PODXL: variants seen among roughly 807,000 people sequenced by gnomAD.
The protein encoded by PODXL is podocalyxin like.
PODXL carries 20 observed loss-of-function variants against 48.9 expected under a neutral mutation model. The ratio of observed to expected loss-of-function variants is 0.41; its 90% CI spans 0.29 to 0.59. The LOEUF is 0.59. PODXL is among the 20% of genes least tolerant of loss of function. The probability of loss-of-function intolerance (pLI) is 0.31; values close to 1 mark genes in which losing one functional copy is unlikely to be tolerated. For missense variants in PODXL, 606 were observed against 675.1 expected, an observed-to-expected ratio of 0.90 and a Z score of 1.13; for synonymous variants, 295 against 287.4, an observed-to-expected ratio of 1.03 and a Z score of -0.27.
chr7:131,504,261 T>G lies in PODXL; in HGVS notation c.*50A>C. The G allele has an allele frequency of 6.7e-7, 1 of 1,491,722 alleles. No individual in the cohort carries two copies. Among genetic ancestry groups the G allele is most frequent in the Non-Finnish European group, 9.3e-7 (1 of 1,074,294 alleles). The allele number at this position is 1,491,722 out of a possible 1,614,324, so 92.4% of individuals were successfully genotyped here. A position where few individuals can be genotyped will look rare whatever the true frequency, so the allele number is the denominator to read the frequency against. ...TTCCCCATCCAAACGGCACTTGGGG[T>G]GGTTGGTCTGGAGCTCTGTGGTGCT... On this transcript the variant is annotated 3_prime_UTR_variant, in exon 9 of 9. Transcript: ENST00000378555.
At chr7:131,548,027 G>T (rs1277373854) in intron 1 of PODXL, among the ~76,000 whole-genome samples, 1 of 152,228 alleles carries the variant, frequency 6.6e-6, no homozygotes, top group African/African-American at 2.4e-5. Context: ...GCTTATGGGG[G>T]TCCTGGGACA....
chr7:131,532,772 G>A (rs1457569153), intron 1 of PODXL, among the ~76,000 whole-genome samples: 2 of 152,114 alleles, frequency 1.3e-5, no homozygotes, highest in African/African-American at 4.8e-5. Context: ...GAGAGACTTA[G>A]GTTTAGATGA....
chr7:131,526,874 G>A (rs1798196207), intron 1 of PODXL, among the ~76,000 whole-genome samples: 1 of 150,962 alleles, frequency 6.6e-6, no homozygotes, highest in African/African-American at 2.4e-5. Context: ...GAGTAGCTGG[G>A]ATTACAGGTG....
rs970213874 is a variant in PODXL, at chr7:131,503,918, A to G, written c.*393T>C. The G allele has an allele frequency of 3.7e-6, 1 of 272,400 alleles. No individual in the cohort carries two copies. Among genetic ancestry groups the G allele is most frequent in the Non-Finnish European group, 7.1e-6 (1 of 140,340 alleles). The allele number at this position is 272,400 out of a possible 1,614,324, so 16.9% of individuals were successfully genotyped here. ...GAACACAGCAGTGTGGCATGGTGCA[A>G]ATGGAATCTTTGTTCTCATCCTGGC... On this transcript the variant is annotated 3_prime_UTR_variant, in exon 9 of 9. Transcript: ENST00000378555.
intron 4 of PODXL, 102 bp downstream of exon 4, chr7:131,509,263 G>C: frequency 2.0e-6 from 2 of 1,002,576 alleles, no homozygotes; most frequent in Non-Finnish European, 3.1e-6. Context: ...CAAAGCCCCA[G>C]CCAGGGGCCC....
Position 131,510,848 on chromosome 7 carries a change from G to A in PODXL, c.686C>T (p.Pro229Leu), listed in dbSNP as rs188826867. ...VAIPGYTFTS[P>L]GMTTTLLETV... ...CTTACGTAGGGTGGTGGTCATCCCCGGGCTTGTGAAGGTGTAGCCAGGGAT... is the reference window on the plus strand; with the variant it reads ...CTTACGTAGGGTGGTGGTCATCCCCAGGCTTGTGAAGGTGTAGCCAGGGAT... The change falls in exon 2 of 9, where the codon CCG becomes CTG. Residue 229 changes from proline to leucine, a missense_variant. By Grantham distance (98) the Pro-to-Leu change is moderately conservative. Coordinates refer to ENST00000378555, the MANE Select transcript of PODXL (RefSeq NM_001018111.3). 124 of 1,613,990 alleles carry A rather than the reference G, an allele frequency of 7.7e-5. No individual in the cohort carries two copies. Among genetic ancestry groups the A allele is most frequent in the African/African-American group, 2.0e-4 (15 of 74,920 alleles).
At chr7:131,505,261 G>A (rs1797778711) in intron 8 of PODXL, among the ~76,000 whole-genome samples, 1 of 152,164 alleles carries the variant, frequency 6.6e-6, no homozygotes, top group Non-Finnish European at 1.5e-5. Context: ...GCTCTGCAAG[G>A]AGGTTATCCC....
chr7:131,512,497 G>A (rs1417848689), intron 1 of PODXL, among the ~76,000 whole-genome samples: 1 of 152,148 alleles, frequency 6.6e-6, no homozygotes, highest in East Asian at 1.9e-4. Context: ...GGGAGGAGAA[G>A]TGTCCCCAGC....
chr7:131,520,066 A>C (rs1046642959), intron 1 of PODXL: 3 of 189,154 alleles, frequency 1.6e-5, no homozygotes, highest in African/African-American at 7.2e-5. Context: ...AGAGTGACTC[A>C]AGGAAAACGG....
chr7:131,529,925 CGCTGGGCCTCCCT>C lies in PODXL; in HGVS notation c.101-18505_101-18493del, dbSNP rs1562911770. Among the ~76,000 whole-genome samples the C allele has an allele frequency of 1.2e-4, 4 of 32,116 alleles. No individual in the cohort carries two copies. The East Asian group carries it at 3.7e-3, about 30-fold the overall frequency. 21.1% of individuals were successfully genotyped at this position (32,116 alleles called of 152,430 possible). Reference sequence around the variant, plus strand: ...CTAGCCAGTCATTTCAGAGGGCTTGCGCTGGGCCTCCCTAGGGGTATAGGCGGGAGGGCTTGCG... The same window carrying C: ...CTAGCCAGTCATTTCAGAGGGCTTGCAGGGGTATAGGCGGGAGGGCTTGCG... On this transcript the variant is annotated intron_variant, in intron 1 of 8. Transcript: ENST00000378555.
Position 131,534,425 on chromosome 7 carries a change from CCCCAT to C in PODXL, c.100+21830_100+21834del, listed in dbSNP as rs1798336872. Among the ~76,000 whole-genome samples the C allele has an allele frequency of 2.0e-5, 3 of 152,240 alleles. No individual in the cohort carries two copies. In the South Asian group the frequency reaches 6.2e-4, roughly 32 times the overall value. ...GTTCTACCCTGATAATGACCCCGCA[CCCCAT>C]CCTGGCGGGGCAAGGCCGCCACCTG... On this transcript the variant is annotated intron_variant, in intron 1 of 8. Coordinates refer to ENST00000378555, the MANE Select transcript of PODXL (RefSeq NM_001018111.3).
At chr7:131,552,930 G>A (rs1798690356) in intron 1 of PODXL, among the ~76,000 whole-genome samples, 1 of 152,128 alleles carries the variant, frequency 6.6e-6, no homozygotes, top group Admixed American at 6.6e-5. Flanking sequence ...GGGACTACAG[G>A]CGTGTGCCAC....
Position 131,506,563 on chromosome 7 carries a change from C to T in PODXL, c.1249+16G>A. ...CCATGCAGGCCCCAGCCCAGGCCCC[C>T]TTGCCCTCCACTCACTGTGAATAGT... On this transcript the variant is annotated intron_variant, in intron 6 of 8. Transcript: ENST00000378555. The T allele has an allele frequency of 6.2e-7, 1 of 1,613,456 alleles. No individual in the cohort carries two copies. The highest frequency in any genetic ancestry group is 8.5e-7 in the Non-Finnish European group (1 of 1,179,530).
rs1278072046 is a variant in PODXL at position 131,500,779 on chromosome 7, A to G, written c.*3532T>C. On this transcript the variant is annotated 3_prime_UTR_variant, in exon 9 of 9. Transcript: ENST00000378555. ...CCTCCCTAGCCTTGCTAGGGTAACA[A>G]CTGGGAAAGGAATTCTGTCCTTTGT... The G allele has an allele frequency of 2.6e-5, 4 of 152,172 alleles. No individual in the cohort carries two copies. The highest frequency in any genetic ancestry group is 5.9e-5 in the Non-Finnish European group (4 of 68,024). The allele number at this position is 152,172 out of a possible 1,614,324, so 9.4% of individuals were successfully genotyped here.
intron 1 of PODXL, among the ~76,000 whole-genome samples, chr7:131,512,994 C>CAAAAAAAAAAAAAAAAAAAA (rs60701480): frequency 1.0e-5 from 1 of 95,818 alleles, no homozygotes; most frequent in Non-Finnish European, 1.9e-5. Context: ...GACTCCGTCT[C>CAAAAAAAAAAAAAAAAAAAA]AAAAAAAAAA....
chr7:131,537,714 G>A (rs1249391786), intron 1 of PODXL, among the ~76,000 whole-genome samples: 1 of 151,402 alleles, frequency 6.6e-6, no homozygotes, highest in East Asian at 1.9e-4. Context: ...CGTCTCAGAA[G>A]CCCTGCCTGT....
chr7:131,529,615 A>T (rs938308703), intron 1 of PODXL, among the ~76,000 whole-genome samples: 1 of 144,990 alleles, frequency 6.9e-6, no homozygotes, highest in Non-Finnish European at 1.5e-5. Flanking sequence ...CCACAGAAAT[A>T]AAAAAAAAAA....
chr7:131,522,254 C>G (rs1798103860), intron 1 of PODXL, among the ~76,000 whole-genome samples: 1 of 152,146 alleles, frequency 6.6e-6, no homozygotes, highest in South Asian at 2.1e-4. Flanking sequence ...TGTTCGAGAC[C>G]AGCCTGGCCA....
Position 131,504,232 on chromosome 7 carries a change from T to C in PODXL, c.*79A>G. On this transcript the variant is annotated 3_prime_UTR_variant, in exon 9 of 9. Transcript: ENST00000378555. ...GAGTTCACTCTCCCTCCCCAGTCTTTCCCTTCCCCATCCAAACGGCACTTG... is the reference window on the plus strand; with the variant it reads ...GAGTTCACTCTCCCTCCCCAGTCTTCCCCTTCCCCATCCAAACGGCACTTG... 8.2e-7 allele frequency: 1 copy of C among 1,218,368 alleles called. No homozygotes were observed. Among genetic ancestry groups the C allele is most frequent in the Middle Eastern group, 2.6e-4 (1 of 3,872 alleles). The allele number at this position is 1,218,368 out of a possible 1,614,324, so 75.5% of individuals were successfully genotyped here.
Sources: allele counts gnomAD v4.1 joint callset (sites outside exome capture counted in the v4.1 genomes callset), GRCh38; gene constraint gnomAD v4.1.1; transcripts MANE v1.5; gene names NCBI Gene and HGNC (gene_info 2026-07-23, HGNC 2026-07-21).